The following CDC37L1 variants were observed in gnomAD, a reference collection of about 807,000 sequenced individuals.
CDC37L1 encodes hsp90 co-chaperone Cdc37-like 1.
In CDC37L1, 32 loss-of-function variants were observed where a neutral mutation model predicts 45.9. The observed-to-expected ratio is 0.70, with a 90% CI of 0.53 to 0.94. The LOEUF is 0.94. CDC37L1 is among the 40% of genes least tolerant of loss of function. CDC37L1 has a pLI of 0.00. For missense variants in CDC37L1, 434 were observed against 405.7 expected (o/e 1.07, Z -0.60); for synonymous variants, 150 against 133.0 (o/e 1.13, Z -0.88).
At chr9:4,686,319 C>T (rs867317764) in intron 2 of CDC37L1, among the ~76,000 whole-genome samples, 1 of 152,198 alleles carries the variant, frequency 6.6e-6, no homozygotes, top group Non-Finnish European at 1.5e-5. Context: ...AGTACTTTAA[C>T]AGTGAGTCAT....
At chr9:4,703,824 G>A (rs1189584695) in intron 6 of CDC37L1, among the ~76,000 whole-genome samples, 2 of 152,152 alleles carry the variant, frequency 1.3e-5, no homozygotes, top group Admixed American at 1.3e-4. Context: ...ATCCCTTATA[G>A]TCATGGGGGG....
chr9:4,688,755 G>T (rs1841274056), intron 3 of CDC37L1, 149 bp downstream of exon 3: 3 of 447,194 alleles, frequency 6.7e-6, no homozygotes, highest in East Asian at 4.5e-5. Context: ...TCTTGTTTTA[G>T]AATTTTTTTT....
intron 1 of CDC37L1, among the ~76,000 whole-genome samples, chr9:4,680,538 G>C (rs1048324620): frequency 6.6e-6 from 1 of 152,100 alleles, no homozygotes; most frequent in African/African-American, 2.4e-5. Flanking sequence ...TTTTCCTTCA[G>C]ACTTCTCTTA....
Position 4,698,011 on chromosome 9 carries a change from G to A in CDC37L1, c.747+132G>A. Reference sequence around the variant, plus strand: ...AATTCTGTAGATTTTCTTGTGAAAAGAAAATTTATATTGCTAATTTCTTGC... The same window carrying A: ...AATTCTGTAGATTTTCTTGTGAAAAAAAAATTTATATTGCTAATTTCTTGC... On this transcript the variant is annotated intron_variant, in intron 5 of 6. Transcript: ENST00000381854. 4 of 786,764 alleles carry A rather than the reference G, an allele frequency of 5.1e-6. No homozygotes were observed. The South Asian group carries it at 7.2e-5, about 14-fold the overall frequency. 48.7% of individuals were successfully genotyped at this position (786,764 alleles called of 1,614,324 possible).
chr9:4,692,292 G>A (rs1841308359), intron 3 of CDC37L1, among the ~76,000 whole-genome samples: 1 of 149,066 alleles, frequency 6.7e-6, no homozygotes, highest in African/African-American at 2.5e-5. Context: ...TTTTTGAGAC[G>A]AAATCTCGCT....
intron 6 of CDC37L1, among the ~76,000 whole-genome samples, chr9:4,702,240 T>G (rs1446940925): frequency 6.6e-6 from 1 of 152,170 alleles, no homozygotes; most frequent in Non-Finnish European, 1.5e-5. Context: ...CTCCTTTTAA[T>G]GTAGTAGTGA....
intron 1 of CDC37L1, among the ~76,000 whole-genome samples, chr9:4,680,429 C>CACCT (rs1841180247): frequency 6.6e-6 from 1 of 151,960 alleles, no homozygotes; most frequent in Non-Finnish European, 1.5e-5. Flanking sequence ...CGCTGGCGTA[C>CACCT]ACCTCTCCCA....
chr9:4,702,075 A>T (rs374767245), intron 6 of CDC37L1, 47 bp downstream of exon 6: 49 of 1,043,826 alleles, frequency 4.7e-5, no homozygotes, highest in Non-Finnish European at 6.3e-5. Context: ...ATTAATTCAC[A>T]TAATTTTTGT....
At position 4,704,153 on chromosome 9, in the gene CDC37L1, A is replaced by G. The variant is rs550732616; in HGVS notation, c.913-1858A>G. 2.0e-5 allele frequency among the ~76,000 whole-genome samples: 3 copies of G among 152,358 alleles called. No individual in the cohort carries two copies. The East Asian group carries it at 5.8e-4, about 29-fold the overall frequency. On this transcript the variant is annotated intron_variant, in intron 6 of 6. Transcript: ENST00000381854. ...TAACATCCCATTTTTATATCAGTTTATATGTTGTAAAGCACTTTCACACAT... is the reference window on the plus strand; with the variant it reads ...TAACATCCCATTTTTATATCAGTTTGTATGTTGTAAAGCACTTTCACACAT...
intron 1 of CDC37L1, among the ~76,000 whole-genome samples, chr9:4,682,329 AT>A (rs1313029477): frequency 2.0e-3 from 182 of 92,770 alleles, no homozygotes; most frequent in Admixed American, 2.7e-3. Context: ...TGCCCAGCTA[AT>A]TTTTTTTTTT....
intron 2 of CDC37L1, 102 bp downstream of exon 2, chr9:4,685,260 G>T: frequency 1.1e-6 from 1 of 912,594 alleles, no homozygotes. Flanking sequence ...CCCATAAACA[G>T]TGTTCAATTT....
At position 4,707,334 on chromosome 9, in the gene CDC37L1, T is replaced by G. The variant is rs1412830188; in HGVS notation, c.*1222T>G. 7.1e-6 allele frequency: 1 copy of G among 140,348 alleles called. No individual in the cohort carries two copies. The highest frequency in any genetic ancestry group is 2.9e-5 in the African/African-American group (1 of 35,030). The allele number at this position is 140,348 out of a possible 1,614,324, so 8.7% of individuals were successfully genotyped here. On this transcript the variant is annotated 3_prime_UTR_variant, in exon 7 of 7. Transcript: ENST00000381854. ...GAAGGATTAATCTTATGACTTAACA[T>G]AAGCTTTGGTTATATTTGGGTGTAG...
rs1195391977 is a variant in CDC37L1 at position 4,701,967 on chromosome 9, T to A, written c.851T>A (p.Val284Asp). 1.3e-6 allele frequency: 2 copies of A among 1,558,786 alleles called. No homozygotes were observed. The change falls in exon 6 of 7, where the codon GTT becomes GAT. Residue 284 changes from valine to aspartate, a missense_variant. By Grantham distance (152) the Val-to-Asp change is radical. Coordinates refer to ENST00000381854, the MANE Select transcript of CDC37L1 (RefSeq NM_017913.4). ...TCACAAAGTTTTCAACCTATGACAGTTCAGAATCATGTTCCCCATTCTGGT... is the reference window on the plus strand; with the variant it reads ...TCACAAAGTTTTCAACCTATGACAGATCAGAATCATGTTCCCCATTCTGGT... ...SQSQSFQPMT[V>D]QNHVPHSGVG...
intron 5 of CDC37L1, 117 bp from the exon 6 acceptor site, chr9:4,701,747 G>C: frequency 3.2e-6 from 2 of 625,790 alleles, no homozygotes; most frequent in Non-Finnish European, 5.3e-6. Context: ...TCTATATTTA[G>C]ACTATTCACC....
rs189273486 is a variant in CDC37L1, at chr9:4,689,113, A to G, written c.508+507A>G. ...GGGAAAAAGGGTAAGAGGGGGGTTG[A>G]TACAAGTGAAGGCTTCCCAGAGGAG... On this transcript the variant is annotated intron_variant, in intron 3 of 6. Transcript: ENST00000381854. 3.0e-3 allele frequency among the ~76,000 whole-genome samples: 463 copies of G among 152,284 alleles called. 6 individuals carry two copies. The highest frequency in any genetic ancestry group is 0.01 in the African/African-American group (428 of 41,544).
chr9:4,699,175 T>G (rs6476895), intron 5 of CDC37L1, among the ~76,000 whole-genome samples: 54,678 of 152,010 alleles, frequency 0.36, 12,036 homozygotes, highest in African/African-American at 0.63. Context: ...ATGTTCATAG[T>G]AGATTGTAAT....
At chr9:4,688,695 A>G (rs1258090953) in intron 3 of CDC37L1, 89 bp downstream of exon 3, 1 of 846,170 alleles carries the variant, frequency 1.2e-6, no homozygotes, top group African/African-American at 1.8e-5. Flanking sequence ...GAGAGCCAAA[A>G]AGAAAAGTGG....
intron 2 of CDC37L1, 154 bp downstream of exon 2, chr9:4,685,312 A>G (rs1841237411): frequency 8.1e-6 from 5 of 613,622 alleles, no homozygotes; most frequent in Non-Finnish European, 1.4e-5. Context: ...ATGAAAGTCA[A>G]AAAGTCTCAA....
At chr9:4,687,799 A>G (rs1219811280) in intron 2 of CDC37L1, among the ~76,000 whole-genome samples, 4 of 151,498 alleles carry the variant, frequency 2.6e-5, no homozygotes, top group Non-Finnish European at 4.4e-5. Flanking sequence ...TTCTGAGTTT[A>G]TTTCCAGCAA....
Sources: allele counts gnomAD v4.1 joint callset (sites outside exome capture counted in the v4.1 genomes callset), GRCh38; gene constraint gnomAD v4.1.1; transcripts MANE v1.5; gene names NCBI Gene and HGNC (gene_info 2026-07-23, HGNC 2026-07-21).